The following DLC1 variants were observed in gnomAD, a reference collection of about 807,000 sequenced individuals.
The protein encoded by DLC1 is DLC1 Rho GTPase activating protein.
DLC1 carries 54 observed loss-of-function variants against 140.3 expected under a neutral mutation model. That is an observed-to-expected ratio of 0.38 (90% CI 0.31 to 0.48). The LOEUF is 0.48. Among genes scored for constraint, DLC1 ranks in the 20% least tolerant of loss-of-function variants. The pLI, the probability that DLC1 is intolerant of heterozygous loss-of-function variation, is 0.96. For missense variants in DLC1, 2,536 were observed against 1,907.0 expected (o/e 1.33, Z -6.14); for synonymous variants, 986 against 728.1 (o/e 1.35, Z -5.70).
chr8:13,175,862 T>C (rs541147674), intron 5 of DLC1, among the ~76,000 whole-genome samples: 1 of 152,326 alleles, frequency 6.6e-6, no homozygotes, highest in Non-Finnish European at 1.5e-5. Context: ...CTGCTTTCCT[T>C]CCTGGTCACA....
chr8:13,396,073 T>TC (rs1837029524), intron 3 of DLC1, among the ~76,000 whole-genome samples: 1 of 149,738 alleles, frequency 6.7e-6, no homozygotes, highest in Non-Finnish European at 1.5e-5. Flanking sequence ...TTTTTTTTTT[T>TC]TTTTGAGACG....
At chr8:13,473,358 C>T (rs576677288) in intron 2 of DLC1, among the ~76,000 whole-genome samples, 13 of 152,256 alleles carry the variant, frequency 8.5e-5, no homozygotes, top group Admixed American at 5.2e-4. Flanking sequence ...ATAAGTCTCA[C>T]GAGATCTGAT....
chr8:13,230,150 C>T (rs1828980854), intron 5 of DLC1, among the ~76,000 whole-genome samples: 2 of 152,206 alleles, frequency 1.3e-5, no homozygotes, highest in Admixed American at 6.5e-5. Flanking sequence ...ACGGCATTGT[C>T]TAAGAAAGGA....
chr8:13,309,736 A>C (rs184047585), intron 4 of DLC1, among the ~76,000 whole-genome samples: 1 of 152,228 alleles, frequency 6.6e-6, no homozygotes, highest in East Asian at 1.9e-4. Context: ...TCAGATGGAC[A>C]CCTTTTAGGA....
In DLC1 at chr8:13,511,323, C is replaced by CTT. The variant is rs5889448; in HGVS notation, c.-126+3277_-126+3278dup. ...GCATGCTGTTTACATTATCTTTCAC[C>CTT]TTTTTTTTTGGCATTTGAGTCACTG... On this transcript the variant is annotated intron_variant, in intron 1 of 17. Transcript: ENST00000276297. Among the ~76,000 whole-genome samples the CTT allele has an allele frequency of 2.3e-3, 346 of 150,104 alleles. 3 individuals carry two copies. The highest frequency in any genetic ancestry group is 1.8e-3 in the African/African-American group (74 of 41,098).
chr8:13,503,718 C>T (rs1801924648), intron 1 of DLC1, among the ~76,000 whole-genome samples: 1 of 152,146 alleles, frequency 6.6e-6, no homozygotes. Context: ...TTATTTAGTA[C>T]CCAGTGAGTG....
At chr8:13,491,889 G>A (rs1801262836) in intron 2 of DLC1, among the ~76,000 whole-genome samples, 1 of 152,164 alleles carries the variant, frequency 6.6e-6, no homozygotes, top group African/African-American at 2.4e-5. Flanking sequence ...CCACAACGAA[G>A]ACATGCATTC....
At chr8:13,192,060 G>T (rs1253477944) in intron 5 of DLC1, among the ~76,000 whole-genome samples, 2 of 151,738 alleles carry the variant, frequency 1.3e-5, no homozygotes, top group Non-Finnish European at 2.9e-5. Flanking sequence ...TCCTGCCTCA[G>T]CCTCCCAAGT....
chr8:13,269,489 G>A (rs1830827895), intron 5 of DLC1, among the ~76,000 whole-genome samples: 1 of 151,678 alleles, frequency 6.6e-6, no homozygotes, highest in Non-Finnish European at 1.5e-5. Context: ...TCCCAGCTGG[G>A]AGGATCACTT....
At chr8:13,253,431 A>ATATG (rs1830090533) in intron 5 of DLC1, among the ~76,000 whole-genome samples, 1 of 149,750 alleles carries the variant, frequency 6.7e-6, no homozygotes, top group African/African-American at 2.5e-5. Context: ...AATACATATT[A>ATATG]TGTGTGTGTG....
At chr8:13,338,649 T>C (rs894461023) in intron 4 of DLC1, 4 of 152,162 alleles carry the variant, frequency 2.6e-5, no homozygotes, top group African/African-American at 9.7e-5. Flanking sequence ...GAGAAGTCTA[T>C]TTCCCATGTC....
intron 2 of DLC1, among the ~76,000 whole-genome samples, chr8:13,496,441 A>C (rs1213465273): frequency 7.2e-5 from 11 of 152,114 alleles, no homozygotes; most frequent in Admixed American, 5.9e-4. Context: ...GTAAAAAGTG[A>C]AAACCCCTCC....
intron 4 of DLC1, chr8:13,353,495 T>C (rs1017089629): frequency 6.6e-6 from 1 of 151,386 alleles, no homozygotes; most frequent in Non-Finnish European, 1.5e-5. Context: ...TCTGTGGCAG[T>C]GAATGTTATA....
intron 2 of DLC1, among the ~76,000 whole-genome samples, chr8:13,413,815 G>A (rs1191699103): frequency 1.3e-5 from 2 of 152,206 alleles, no homozygotes; most frequent in South Asian, 2.1e-4. Flanking sequence ...CAGCCATGCG[G>A]AACTCTGAGT....
intron 1 of DLC1, among the ~76,000 whole-genome samples, chr8:13,595,628 G>T (rs1431237489): frequency 6.6e-6 from 1 of 151,966 alleles, no homozygotes; most frequent in African/African-American, 2.4e-5. Context: ...GACTCTTATT[G>T]AGTCTGGGTG....
At chr8:13,393,877 C>T (rs557385364) in intron 3 of DLC1, among the ~76,000 whole-genome samples, 184 bp from the exon 4 acceptor site, 2 of 152,306 alleles carry the variant, frequency 1.3e-5, no homozygotes, top group African/African-American at 2.4e-5. Context: ...AACCATTGTA[C>T]TCATCAGAGG....
intron 5 of DLC1, among the ~76,000 whole-genome samples, chr8:13,244,796 T>C (rs1400170090): frequency 1.3e-5 from 2 of 152,190 alleles, no homozygotes; most frequent in East Asian, 1.9e-4. Context: ...TTTCGACATA[T>C]TTGTTTCTTA....
At chr8:13,162,586 G>T (rs1382432661) in intron 5 of DLC1, among the ~76,000 whole-genome samples, 1 of 152,168 alleles carries the variant, frequency 6.6e-6, no homozygotes, top group Non-Finnish European at 1.5e-5. Flanking sequence ...GCCTCCCAAA[G>T]TGCTAGGATT....
chr8:13,098,247 A>C (rs1001548601), intron 10 of DLC1, 152 bp downstream of exon 10: 7 of 1,059,946 alleles, frequency 6.6e-6, no homozygotes, highest in Non-Finnish European at 9.4e-6. Flanking sequence ...ACAAACAAAC[A>C]AACAAAAATG....
Sources: gnomAD v4.1 joint callset for allele counts (sites outside exome capture counted in the v4.1 genomes callset) on GRCh38, gnomAD v4.1.1 for gene constraint, MANE v1.5 for transcripts, NCBI Gene and HGNC (gene_info 2026-07-23, HGNC 2026-07-21) for gene names.